Variants in ATP10A observed in about 807,000 individuals in gnomAD.
The protein encoded by ATP10A is phospholipid-transporting ATPase VA.
Under a neutral mutation model 147.8 loss-of-function variants are expected in ATP10A, and 111 were observed. The observed-to-expected ratio is 0.75, with a 90% CI of 0.64 to 0.88. The LOEUF is 0.88. ATP10A is among the 40% of genes least tolerant of loss of function. The pLI, the probability that ATP10A is intolerant of heterozygous loss-of-function variation, is 0.00. For missense variants in ATP10A, 1,927 were observed against 1,959.0 expected (o/e 0.98, Z 0.31); for synonymous variants, 875 against 841.6 (o/e 1.04, Z -0.69).
chr15:25,681,471 T>C (rs932721847), intron 17 of ATP10A, among the ~76,000 whole-genome samples: 4 of 152,188 alleles, frequency 2.6e-5, no homozygotes, highest in African/African-American at 9.6e-5. Context: ...CACATTCCCA[T>C]TGCAGTGCCC....
intron 7 of ATP10A, 53 bp from the exon 8 acceptor site, chr15:25,718,452 A>C (rs8024374): frequency 1.3e-6 from 2 of 1,521,888 alleles, no homozygotes; most frequent in Admixed American, 3.9e-5. Flanking sequence ...TGGGCGGAGC[A>C]GAAAGAAACC....
Position 25,844,032 on chromosome 15 carries a change from G to A in ATP10A, c.449+18616C>T, listed in dbSNP as rs539882489. 2.0e-5 allele frequency among the ~76,000 whole-genome samples: 3 copies of A among 152,090 alleles called. No homozygotes were observed. The South Asian group carries it at 6.2e-4, about 32-fold the overall frequency. On this transcript the variant is annotated intron_variant, in intron 1 of 20. Coordinates refer to ENST00000555815, the MANE Select transcript of ATP10A (RefSeq NM_024490.4). ...TGGATACCTGTGTTCAAGACAAATC[G>A]AATAGAGAGATCACCTGATTTTACT...
intron 9 of ATP10A, among the ~76,000 whole-genome samples, chr15:25,714,632 A>C (rs1465473680): frequency 6.6e-6 from 1 of 152,094 alleles, no homozygotes; most frequent in Non-Finnish European, 1.5e-5. Context: ...GGATGTATGC[A>C]GGGGAGTTGC....
chr15:25,773,341 T>C (rs1889433438), intron 2 of ATP10A, among the ~76,000 whole-genome samples: 1 of 152,136 alleles, frequency 6.6e-6, no homozygotes, highest in Admixed American at 6.5e-5. Context: ...AACTCCAATG[T>C]CTGCGGAGGT....
intron 14 of ATP10A, among the ~76,000 whole-genome samples, chr15:25,694,394 C>A (rs769828077): frequency 1.3e-5 from 2 of 152,242 alleles, no homozygotes; most frequent in African/African-American, 4.8e-5. Context: ...GCCCTTAGGG[C>A]GTTACAAAGC....
rs528188681 is a variant in ATP10A, at chr15:25,798,662, C to T, written c.450-17439G>A. On this transcript the variant is annotated intron_variant, in intron 1 of 20. Coordinates refer to ENST00000555815, the MANE Select transcript of ATP10A (RefSeq NM_024490.4). Reference sequence around the variant, plus strand: ...ACAGAGAAGGCACGCTCTTTTCCTGCGGGCACTGTGCCGGACTCCCATCTG... The same window carrying T: ...ACAGAGAAGGCACGCTCTTTTCCTGTGGGCACTGTGCCGGACTCCCATCTG... Among the ~76,000 whole-genome samples, 27 of 152,296 alleles carry T rather than the reference C, an allele frequency of 1.8e-4. 1 individual carries two copies. In the East Asian group the frequency reaches 3.3e-3, roughly 19 times the overall value.
At chr15:25,736,261 C>T (rs568642909) in intron 2 of ATP10A, 120 bp from the exon 3 acceptor site, 5 of 743,494 alleles carry the variant, frequency 6.7e-6, no homozygotes, top group African/African-American at 1.7e-5. Flanking sequence ...AGAACTCTGC[C>T]TATGAATCTC....
intron 1 of ATP10A, among the ~76,000 whole-genome samples, chr15:25,826,031 T>C (rs952609116): frequency 6.6e-6 from 1 of 151,672 alleles, no homozygotes; most frequent in Non-Finnish European, 1.5e-5. Context: ...GTACAATAAA[T>C]GAAATAAAAA....
Position 25,863,015 on chromosome 15 carries a change from G to A in ATP10A, c.82C>T (p.Arg28Cys), listed in dbSNP as rs1426806041. The stretch of plus-strand genomic sequence containing the variant: ...CCCGGGGGCGGCAGCAGGTTGGAGC[G>A]CACCGTGCGCGTCCTGCCCTCTCGG... ...RRREGRTRTV[R>C]SNLLPPPGAE... Residue 28 changes from arginine to cysteine, a missense_variant, in exon 1 of 21, where the codon CGC (arginine) becomes TGC (cysteine). Coordinates refer to ENST00000555815, the MANE Select transcript of ATP10A (RefSeq NM_024490.4). 1.5e-6 allele frequency: 2 copies of A among 1,363,118 alleles called. No individual in the cohort carries two copies. Among genetic ancestry groups the A allele is most frequent in the African/African-American group, 1.5e-5 (1 of 64,964 alleles). 84.4% of individuals were successfully genotyped at this position (1,363,118 alleles called of 1,614,324 possible). A position where few individuals can be genotyped will look rare whatever the true frequency, so the allele number is the denominator to read the frequency against.
intron 1 of ATP10A, among the ~76,000 whole-genome samples, chr15:25,825,506 G>C (rs1892077008): frequency 6.6e-6 from 1 of 152,130 alleles, no homozygotes; most frequent in African/African-American, 2.4e-5. Context: ...AAGACAGAGA[G>C]GTAACCACCT....
chr15:25,822,969 T>C (rs567698069), intron 1 of ATP10A, among the ~76,000 whole-genome samples: 18 of 152,272 alleles, frequency 1.2e-4, no homozygotes, highest in African/African-American at 3.8e-4. Context: ...TTAATCTAAA[T>C]AACAACTCTT....
intron 13 of ATP10A, among the ~76,000 whole-genome samples, chr15:25,699,431 C>G (rs1291774318): frequency 6.6e-6 from 1 of 152,188 alleles, no homozygotes; most frequent in East Asian, 1.9e-4. Flanking sequence ...TCACACCTTT[C>G]ATGAAATGTG....
intron 1 of ATP10A, among the ~76,000 whole-genome samples, chr15:25,785,636 C>T (rs760933102): frequency 1.3e-5 from 2 of 152,206 alleles, no homozygotes; most frequent in African/African-American, 2.4e-5. Flanking sequence ...TCCCCATGCA[C>T]AGGTTCTACA....
Position 25,678,911 on chromosome 15 carries a change from A to G in ATP10A, c.*430T>C, listed in dbSNP as rs1166351815. The G allele has an allele frequency of 6.6e-6, 1 of 152,432 alleles. No homozygotes were observed. Among genetic ancestry groups the G allele is most frequent in the Non-Finnish European group, 1.5e-5 (1 of 68,054 alleles). The allele number at this position is 152,432 out of a possible 1,614,324, so 9.4% of individuals were successfully genotyped here. On this transcript the variant is annotated 3_prime_UTR_variant, in exon 21 of 21. Transcript: ENST00000555815. The stretch of plus-strand genomic sequence containing the variant: ...GGAGCCCAGCCCTCCTGTGTCAGTG[A>G]GACTGGAAGCCTCTGGGGGCCATGT...
intron 14 of ATP10A, among the ~76,000 whole-genome samples, chr15:25,693,224 T>C (rs977039409): frequency 3.9e-5 from 6 of 151,996 alleles, no homozygotes; most frequent in Non-Finnish European, 8.8e-5. Flanking sequence ...GGACTCACTA[T>C]GTTGCCCAGG....
At chr15:25,831,395 C>A (rs1316135945) in intron 1 of ATP10A, among the ~76,000 whole-genome samples, 3 of 152,166 alleles carry the variant, frequency 2.0e-5, no homozygotes, top group Non-Finnish European at 4.4e-5. Context: ...GAGAATGCTG[C>A]GAGCAGGGAA....
intron 1 of ATP10A, among the ~76,000 whole-genome samples, chr15:25,859,582 C>A (rs1438361469): frequency 2.0e-5 from 3 of 152,096 alleles, no homozygotes; most frequent in Non-Finnish European, 2.9e-5. Context: ...CTAACCCCCC[C>A]AGAATCACCC....
chr15:25,685,132 A>G (rs558189455), intron 16 of ATP10A, among the ~76,000 whole-genome samples: 1 of 152,304 alleles, frequency 6.6e-6, no homozygotes, highest in Admixed American at 6.5e-5. Flanking sequence ...AGTACCAAAA[A>G]GCTTTCTTCC....
At chr15:25,725,348 G>A (rs558099806) in intron 5 of ATP10A, among the ~76,000 whole-genome samples, 3 of 152,300 alleles carry the variant, frequency 2.0e-5, no homozygotes, top group African/African-American at 7.2e-5. Context: ...GTATAGAGGA[G>A]GGTATAGGTA....
Sources: gnomAD v4.1 joint callset for allele counts (sites outside exome capture counted in the v4.1 genomes callset) on GRCh38, gnomAD v4.1.1 for gene constraint, MANE v1.5 for transcripts, NCBI Gene and HGNC (gene_info 2026-07-23, HGNC 2026-07-21) for gene names.